SGCZ: variants seen among roughly 807,000 people sequenced by gnomAD.
The protein encoded by SGCZ is sarcoglycan zeta, also known as zeta-sarcoglycan.
A neutral mutation model predicts 41.3 loss-of-function variants in SGCZ; 40 were observed. That is an observed-to-expected ratio of 0.97 (90% CI 0.75 to 1.26). The LOEUF is 1.26. Ranked by LOEUF, SGCZ falls within the 50% of genes most tolerant of loss-of-function variation. The pLI, the probability that SGCZ is intolerant of heterozygous loss-of-function variation, is 0.00. For missense variants in SGCZ, 552 were observed against 369.8 expected, an observed-to-expected ratio of 1.49 and a Z score of -4.04; for synonymous variants, 206 against 137.5, an observed-to-expected ratio of 1.50 and a Z score of -3.49.
chr8:14,711,548 G>A (rs940158867), intron 1 of SGCZ, among the ~76,000 whole-genome samples: 1 of 142,522 alleles, frequency 7.0e-6, no homozygotes, highest in Non-Finnish European at 1.5e-5. Context: ...GTTGTAGTGA[G>A]CCAAGATTGC....
chr8:14,357,201 C>T lies in SGCZ; in HGVS notation c.235-32997G>A, dbSNP rs191075097. ...AAACCACAGATACTTTCAAATACTG[C>T]TAAATCATATAACGAATCTCATCAG... On this transcript the variant is annotated intron_variant, in intron 2 of 7. Transcript: ENST00000382080. 2.0e-5 allele frequency among the ~76,000 whole-genome samples: 3 copies of T among 152,224 alleles called. No homozygotes were observed. In the East Asian group the frequency reaches 5.8e-4, roughly 29 times the overall value.
At chr8:15,160,210 T>C (rs1482577124) in intron 1 of SGCZ, among the ~76,000 whole-genome samples, 2 of 152,278 alleles carry the variant, frequency 1.3e-5, no homozygotes, top group Admixed American at 6.5e-5. Flanking sequence ...GGAAGTGCAA[T>C]AACACATTAT....
chr8:14,494,365 A>G (rs191724223), intron 2 of SGCZ, among the ~76,000 whole-genome samples: 2 of 152,190 alleles, frequency 1.3e-5, no homozygotes, highest in Non-Finnish European at 2.9e-5. Flanking sequence ...CATGAATTCA[A>G]CTTTTCCAAG....
intron 1 of SGCZ, among the ~76,000 whole-genome samples, chr8:14,960,931 GCA>G (rs56258079): frequency 0.049 from 7,066 of 144,246 alleles, 189 homozygotes; most frequent in African/African-American, 0.079. Context: ...CAAGGAAATG[GCA>G]CACACACACA....
chr8:14,686,911 A>T (rs941249811), intron 1 of SGCZ, among the ~76,000 whole-genome samples: 4 of 151,950 alleles, frequency 2.6e-5, no homozygotes, highest in Non-Finnish European at 5.9e-5. Flanking sequence ...AACATTTTCA[A>T]ACTGGGTCCC....
intron 5 of SGCZ, among the ~76,000 whole-genome samples, chr8:14,117,800 G>A (rs1463452166): frequency 1.3e-5 from 2 of 151,046 alleles, no homozygotes; most frequent in Non-Finnish European, 2.9e-5. Flanking sequence ...TGTTCTCATT[G>A]TTCAATTCCC....
intron 2 of SGCZ, among the ~76,000 whole-genome samples, chr8:14,514,106 T>C (rs1054762705): frequency 6.6e-6 from 1 of 152,132 alleles, no homozygotes; most frequent in Non-Finnish European, 1.5e-5. Context: ...AAGATTTTCT[T>C]TTCTTTTTTT....
intron 1 of SGCZ, among the ~76,000 whole-genome samples, chr8:14,612,220 G>A (rs576180943): frequency 6.6e-6 from 1 of 152,206 alleles, no homozygotes; most frequent in South Asian, 2.1e-4. Context: ...CATGTGTTGA[G>A]GGAGGGAACT....
intron 1 of SGCZ, among the ~76,000 whole-genome samples, chr8:15,179,177 A>C (rs991824406): frequency 4.6e-5 from 7 of 151,648 alleles, no homozygotes; most frequent in African/African-American, 1.7e-4. Context: ...TAACCTGTTT[A>C]AGTAAAGATT....
intron 4 of SGCZ, among the ~76,000 whole-genome samples, chr8:14,233,584 T>C (rs1278820361): frequency 8.8e-6 from 1 of 113,478 alleles, no homozygotes; most frequent in East Asian, 2.5e-4. Context: ...ATTTTTATTC[T>C]ATATAAAATA....
chr8:14,423,903 A>T (rs1452536480), intron 2 of SGCZ, among the ~76,000 whole-genome samples: 1 of 151,872 alleles, frequency 6.6e-6, no homozygotes, highest in Admixed American at 6.6e-5. Context: ...CTCCCTGCTA[A>T]GTACCAAACA....
rs1312849174 is a variant in SGCZ, at chr8:14,757,638, T to C, written c.40-202712A>G. ...TTGTTCTGAGTACCGGGTAGCATGATAGAGAAAAGAAACAACTCTTTCGGT... is the reference window on the plus strand; with the variant it reads ...TTGTTCTGAGTACCGGGTAGCATGACAGAGAAAAGAAACAACTCTTTCGGT... On this transcript the variant is annotated intron_variant, in intron 1 of 7. Transcript: ENST00000382080. 3.3e-5 allele frequency among the ~76,000 whole-genome samples: 5 copies of C among 152,164 alleles called. No individual in the cohort carries two copies. In the East Asian group the frequency reaches 5.8e-4, roughly 18 times the overall value.
At chr8:14,616,961 T>A (rs1433350283) in intron 1 of SGCZ, among the ~76,000 whole-genome samples, 1 of 152,172 alleles carries the variant, frequency 6.6e-6, no homozygotes, top group African/African-American at 2.4e-5. Context: ...AAAATAGCCA[T>A]TTCTTTTCTG....
intron 1 of SGCZ, among the ~76,000 whole-genome samples, chr8:15,041,883 G>A (rs1256279905): frequency 2.0e-5 from 3 of 152,114 alleles, no homozygotes; most frequent in Admixed American, 1.3e-4. Context: ...TATATATTCT[G>A]TTGATTTTTA....
chr8:14,507,199 C>A (rs565666633), intron 2 of SGCZ, among the ~76,000 whole-genome samples: 11 of 151,396 alleles, frequency 7.3e-5, no homozygotes, highest in African/African-American at 1.2e-4. Context: ...GTCAACTCTG[C>A]ATTCAAATAC....
chr8:14,338,895 C>T (rs2117072011), intron 2 of SGCZ, among the ~76,000 whole-genome samples: 1 of 152,222 alleles, frequency 6.6e-6, no homozygotes, highest in East Asian at 1.9e-4. Context: ...GTCATTTAAG[C>T]CACATTTCTG....
chr8:15,154,490 C>T (rs1028937698), intron 1 of SGCZ, among the ~76,000 whole-genome samples: 47 of 152,216 alleles, frequency 3.1e-4, no homozygotes, highest in African/African-American at 1.1e-3. Flanking sequence ...AGAGAGGGGA[C>T]ACAGAGAGAT....
intron 3 of SGCZ, among the ~76,000 whole-genome samples, chr8:14,265,262 C>T (rs1335496364): frequency 6.6e-6 from 1 of 152,022 alleles, no homozygotes; most frequent in African/African-American, 2.4e-5. Flanking sequence ...ATAACTTTGC[C>T]GAGAAATACA....
intron 3 of SGCZ, among the ~76,000 whole-genome samples, chr8:14,239,614 G>A (rs764143643): frequency 6.6e-6 from 1 of 152,078 alleles, no homozygotes; most frequent in Non-Finnish European, 1.5e-5. Flanking sequence ...TATAGACTAT[G>A]TAAGTATATT....
Sources: allele counts gnomAD v4.1 joint callset (sites outside exome capture counted in the v4.1 genomes callset), GRCh38; gene constraint gnomAD v4.1.1; transcripts MANE v1.5; gene names NCBI Gene and HGNC (gene_info 2026-07-23, HGNC 2026-07-21).